Variants in CENPP observed in about 807,000 individuals in gnomAD.
CENPP encodes the protein centromere protein P.
In CENPP, 24 loss-of-function variants were observed where a neutral mutation model predicts 35.6. The ratio of observed to expected loss-of-function variants is 0.67; its 90% CI spans 0.49 to 0.95. The LOEUF is 0.95. Among genes scored for constraint, CENPP ranks in the 40% least tolerant of loss-of-function variants. CENPP has a pLI of 0.00. For missense variants in CENPP, 332 were observed against 345.3 expected (o/e 0.96, Z 0.31); for synonymous variants, 120 against 125.5 (o/e 0.96, Z 0.29).
chr9:92,399,183 A>C (rs1843009087), intron 5 of CENPP, among the ~76,000 whole-genome samples: 3 of 152,078 alleles, frequency 2.0e-5, no homozygotes, highest in Admixed American at 1.3e-4. Context: ...GCCGTGTATG[A>C]GTGTCTTACC....
At chr9:92,340,297 C>G (rs147842301) in intron 3 of CENPP, 22 of 152,312 alleles carry the variant, frequency 1.4e-4, no homozygotes, top group Non-Finnish European at 2.6e-4. Flanking sequence ...TGGAGTTATA[C>G]CTTCCAGGAT....
At chr9:92,532,039 T>TTTTTTTTTTTTTTTTTG (rs1848826400) in intron 5 of CENPP, among the ~76,000 whole-genome samples, 1 of 141,098 alleles carries the variant, frequency 7.1e-6, no homozygotes. Flanking sequence ...ATTTTATTTT[T>TTTTTTTTTTTTTTTTTG]TTTTTGAGAT....
intron 5 of CENPP, among the ~76,000 whole-genome samples, chr9:92,563,413 A>AT (rs1283573723): frequency 6.6e-6 from 1 of 152,148 alleles, no homozygotes; most frequent in African/African-American, 2.4e-5. Context: ...TCAGTGTATC[A>AT]TTTTTATTGA....
rs146979862 is a variant in CENPP at position 92,386,224 on chromosome 9, T to C, written c.564+6365T>C. ...ACCTGAAGATGAATTACACGTAGAC[T>C]TTCTGGTAAATTAAGAGGCACGGAT... On this transcript the variant is annotated intron_variant, in intron 5 of 7. Coordinates refer to ENST00000375587, the MANE Select transcript of CENPP (RefSeq NM_001012267.3). 45 of 1,611,688 alleles carry C rather than the reference T, an allele frequency of 2.8e-5. 1 individual carries two copies. The highest frequency in any genetic ancestry group is 1.8e-4 in the Admixed American group (11 of 59,994).
At chr9:92,482,456 C>T (rs1845944397) in intron 5 of CENPP, 1 of 152,044 alleles carries the variant, frequency 6.6e-6, no homozygotes, top group South Asian at 2.1e-4. Flanking sequence ...TGGCTGCACC[C>T]TGGGTGATAC....
chr9:92,530,433 A>T (rs974971811), intron 5 of CENPP, among the ~76,000 whole-genome samples: 1 of 152,354 alleles, frequency 6.6e-6, no homozygotes, highest in South Asian at 2.1e-4. Flanking sequence ...AAAAATTAGT[A>T]GTCATTTTAT....
intron 5 of CENPP, among the ~76,000 whole-genome samples, chr9:92,589,714 A>G (rs1165702978): frequency 1.3e-5 from 2 of 152,304 alleles, no homozygotes; most frequent in Non-Finnish European, 2.9e-5. Context: ...TGCGTTTACG[A>G]AAGATTTCAA....
chr9:92,468,388 TAACA>T (rs533871594), intron 5 of CENPP, among the ~76,000 whole-genome samples: 210 of 152,260 alleles, frequency 1.4e-3, no homozygotes, highest in African/African-American at 4.6e-3. Flanking sequence ...AATTCATCAT[TAACA>T]AACAGTGTAA....
intron 5 of CENPP, chr9:92,401,245 T>G (rs545668633): frequency 1.3e-6 from 1 of 787,256 alleles, no homozygotes; most frequent in East Asian, 2.5e-5. Flanking sequence ...CTCTGTAAAA[T>G]GAAGGGATCA....
At chr9:92,557,746 GA>G (rs1303556689) in intron 5 of CENPP, among the ~76,000 whole-genome samples, 1 of 152,080 alleles carries the variant, frequency 6.6e-6, no homozygotes, top group East Asian at 1.9e-4. Flanking sequence ...AGGTTCAAGT[GA>G]TTCTCCTGCC....
At chr9:92,396,988 C>A (rs1319962556) in intron 5 of CENPP, among the ~76,000 whole-genome samples, 1 of 151,606 alleles carries the variant, frequency 6.6e-6, no homozygotes, top group Non-Finnish European at 1.5e-5. Context: ...CCAACCTGGG[C>A]AACATGATGA....
chr9:92,408,927 A>G (rs904741419), intron 5 of CENPP, among the ~76,000 whole-genome samples: 3 of 152,184 alleles, frequency 2.0e-5, no homozygotes, highest in African/African-American at 7.2e-5. Context: ...TAAATCTCAT[A>G]CTTATGCTTG....
At chr9:92,326,622 T>C (rs1007117075) in intron 1 of CENPP, among the ~76,000 whole-genome samples, 3 of 152,176 alleles carry the variant, frequency 2.0e-5, no homozygotes, top group Admixed American at 1.3e-4. Context: ...GTTAGCCCTG[T>C]TTTATAGTTG....
chr9:92,613,023 G>A lies in CENPP; in HGVS notation c.741G>A (p.Leu247=). Residue 247 remains leucine (L), a synonymous_variant, in exon 8 of 8, where the codon CTG becomes CTA. Transcript: ENST00000375587. ...GGTTTAATGTTTTCTTTATAGCCCT[G>A]GAGCTGGACAAGAACAGAGCCATAG... The part of the protein sequence containing the change: ...DLLTKVPQRA[L]ELDKNRAIET... The A allele has an allele frequency of 6.2e-7, 1 of 1,614,136 alleles. No individual in the cohort carries two copies. The highest frequency in any genetic ancestry group is 1.1e-5 in the South Asian group (1 of 91,066).
In CENPP at chr9:92,619,712, G is replaced by A. The variant is rs41266681; in HGVS notation, c.*6563G>A. On this transcript the variant is annotated 3_prime_UTR_variant, in exon 8 of 8. Transcript: ENST00000375587. ...TAGGAGCGAGGGCCACGGTGAGCAC[G>A]GGCGTCAGGAGGTCGCCCTGTGAGA... 0.017 allele frequency: 12,016 copies of A among 716,204 alleles called. 162 individuals carry two copies. Among genetic ancestry groups the A allele is most frequent in the South Asian group, 0.034 (2,029 of 59,404 alleles). The allele number at this position is 716,204 out of a possible 1,614,324, so 44.4% of individuals were successfully genotyped here. A position where few individuals can be genotyped will look rare whatever the true frequency, so the allele number is the denominator to read the frequency against.
chr9:92,535,777 G>GA (rs1215606802), intron 5 of CENPP, among the ~76,000 whole-genome samples: 7 of 151,852 alleles, frequency 4.6e-5, no homozygotes, highest in African/African-American at 9.7e-5. Context: ...AGTACATCGT[G>GA]AAAAAAACAA....
chr9:92,514,103 C>T (rs1377655200), intron 5 of CENPP, among the ~76,000 whole-genome samples: 1 of 148,460 alleles, frequency 6.7e-6, no homozygotes, highest in Non-Finnish European at 1.5e-5. Context: ...ACAGTCTTCA[C>T]AGAGCAATGA....
At chr9:92,498,494 T>G (rs576810864) in intron 5 of CENPP, among the ~76,000 whole-genome samples, 2 of 152,106 alleles carry the variant, frequency 1.3e-5, no homozygotes, top group Admixed American at 6.5e-5. Flanking sequence ...AAGTAAGACT[T>G]CTCTTAATTC....
chr9:92,455,066 C>T (rs1298364521), intron 5 of CENPP, among the ~76,000 whole-genome samples: 1 of 152,186 alleles, frequency 6.6e-6, no homozygotes, highest in East Asian at 1.9e-4. Flanking sequence ...GGACATTTGT[C>T]AATTTCTGGA....
Sources: allele counts gnomAD v4.1 joint callset (sites outside exome capture counted in the v4.1 genomes callset), GRCh38; gene constraint gnomAD v4.1.1; transcripts MANE v1.5; gene names NCBI Gene and HGNC (gene_info 2026-07-23, HGNC 2026-07-21).